The following LRSAM1 variants were observed in gnomAD, a reference collection of about 807,000 sequenced individuals.
LRSAM1 encodes the protein E3 ubiquitin-protein ligase LRSAM1.
Under a neutral mutation model 118.1 loss-of-function variants are expected in LRSAM1, and 96 were observed. That is an observed-to-expected ratio of 0.81 (90% CI 0.69 to 0.96). The LOEUF is 0.96. Among genes scored for constraint, LRSAM1 ranks in the 40% least tolerant of loss-of-function variants. The pLI, the probability that LRSAM1 is intolerant of heterozygous loss-of-function variation, is 0.00. For synonymous variants in LRSAM1, 322 were observed against 364.2 expected (o/e 0.88, Z 1.32); for missense variants, 804 against 915.5 (o/e 0.88, Z 1.57).
intron 21 of LRSAM1, among the ~76,000 whole-genome samples, 199 bp downstream of exon 21, chr9:127,493,096 C>T (rs1188321131): frequency 6.6e-6 from 1 of 152,232 alleles, no homozygotes; most frequent in Non-Finnish European, 1.5e-5. Flanking sequence ...GGGTCTCACT[C>T]TGTCGCCCAG....
At chr9:127,492,943 T>C (rs777583116) in intron 21 of LRSAM1, 46 bp downstream of exon 21, 1 of 1,538,942 alleles carries the variant, frequency 6.5e-7, no homozygotes, top group East Asian at 2.2e-5. Flanking sequence ...GCATTTGCTT[T>C]TCTTTAACAG....
At chr9:127,485,596 T>A (rs182801398) in intron 16 of LRSAM1, 140 bp from the exon 17 acceptor site, 26 of 771,834 alleles carry the variant, frequency 3.4e-5, no homozygotes, top group Admixed American at 1.2e-4. Context: ...GGGTTTTTTT[T>A]AAGATAACTA....
At chr9:127,466,467 G>A (rs1429249983) in intron 9 of LRSAM1, among the ~76,000 whole-genome samples, 3 of 97,710 alleles carry the variant, frequency 3.1e-5, no homozygotes, top group Non-Finnish European at 5.8e-5. Flanking sequence ...ATCTAACAAA[G>A]GAAGAATCAT....
intron 17 of LRSAM1, chr9:127,486,294 C>T (rs1421532173): frequency 4.9e-6 from 1 of 205,568 alleles, no homozygotes; most frequent in Non-Finnish European, 1.0e-5. Flanking sequence ...AGGACCCCCA[C>T]GGTTGGGGGT....
At chr9:127,467,664 A>G (rs372433819) in intron 9 of LRSAM1, 76 bp from the exon 10 acceptor site, 1 of 1,385,176 alleles carries the variant, frequency 7.2e-7, no homozygotes, top group African/African-American at 1.4e-5. Context: ...GAGAACACAC[A>G]AATTGATAAG....
At chr9:127,489,798 T>A (rs1433671941) in intron 19 of LRSAM1, among the ~76,000 whole-genome samples, 1 of 152,200 alleles carries the variant, frequency 6.6e-6, no homozygotes. Context: ...CTGGTGCTGA[T>A]GTGTGGCTTT....
In LRSAM1 at chr9:127,457,266, T is replaced by G. The variant is rs772059949; in HGVS notation, c.175-50T>G. 1.4e-5 allele frequency: 22 copies of G among 1,608,544 alleles called. No homozygotes were observed. The East Asian group carries it at 4.5e-4, about 33-fold the overall frequency. ...TGGCTCCCACGCCCTTAGCCTGCCC[T>G]GCCTGCTGCTCTTCCTCAGCCCAGC... On this transcript the variant is annotated intron_variant, in intron 5 of 25. Transcript: ENST00000300417.
chr9:127,479,071 C>A lies in LRSAM1; in HGVS notation c.780+108C>A. 3 of 1,220,572 alleles carry A rather than the reference C, an allele frequency of 2.5e-6. No individual in the cohort carries two copies. In the South Asian group the frequency reaches 3.7e-5, roughly 15 times the overall value. The allele number at this position is 1,220,572 out of a possible 1,614,324, so 75.6% of individuals were successfully genotyped here. A position where few individuals can be genotyped will look rare whatever the true frequency, so the allele number is the denominator to read the frequency against. On this transcript the variant is annotated intron_variant, in intron 12 of 25. Transcript: ENST00000300417. ...TTCTTCCCAGCTCAGAATTAGAGGT[C>A]ACAGTAATGCCTTCCTCTTACACGC... is the stretch of plus-strand genomic sequence containing the variant.
rs751872462 is a variant in LRSAM1 at position 127,457,401 on chromosome 9, G to A, written c.252+8G>A. ...AGTCTGGCAACCATCAAGGTACTGG[G>A]CCCTCCTCCCAGGCAGCTGGGGCTC... is the stretch of plus-strand genomic sequence containing the variant. On this transcript the variant is annotated splice_region_variant and intron_variant, in intron 6 of 25. Transcript: ENST00000300417. 23 of 1,613,790 alleles carry A rather than the reference G, an allele frequency of 1.4e-5. No homozygotes were observed. In the African/African-American group the frequency reaches 2.4e-4, roughly 17 times the overall value.
At chr9:127,480,783 G>C (rs985192095) in intron 14 of LRSAM1, among the ~76,000 whole-genome samples, 5 of 152,128 alleles carry the variant, frequency 3.3e-5, no homozygotes, top group African/African-American at 1.2e-4. Context: ...CTTCTCCCAG[G>C]TTCAAGCAAT....
intron 11 of LRSAM1, among the ~76,000 whole-genome samples, chr9:127,475,850 C>T (rs1835332115): frequency 6.6e-6 from 1 of 152,064 alleles, no homozygotes; most frequent in Admixed American, 6.5e-5. Flanking sequence ...AAGTGATTCT[C>T]CTGCCTCAGC....
At chr9:127,497,374 GC>G in intron 24 of LRSAM1, 40 bp downstream of exon 24, 1 of 1,590,552 alleles carries the variant, frequency 6.3e-7, no homozygotes, top group Non-Finnish European at 8.6e-7. Flanking sequence ...CAGGGCTCCA[GC>G]CGTATGTGTG....
chr9:127,500,736 C>A (rs1328355490), intron 24 of LRSAM1, among the ~76,000 whole-genome samples: 1 of 152,210 alleles, frequency 6.6e-6, no homozygotes, highest in Non-Finnish European at 1.5e-5. Flanking sequence ...TGAAGCGTCC[C>A]GGGGACATTA....
intron 24 of LRSAM1, 31 bp from the exon 25 acceptor site, chr9:127,500,979 C>T: frequency 6.2e-7 from 1 of 1,613,730 alleles, no homozygotes; most frequent in Non-Finnish European, 8.5e-7. Context: ...GGAGATGACC[C>T]TGGCTCAGTC....
Position 127,503,139 on chromosome 9 carries a change from T to G in LRSAM1, c.*240T>G, listed in dbSNP as rs1588145113. The stretch of plus-strand genomic sequence containing the variant: ...TGGGGGCTGGGGCTGGAGAGGCCGC[T>G]GCACCACCACCCGAGCCTGGGAGCC... On this transcript the variant is annotated 3_prime_UTR_variant, in exon 26 of 26. Transcript: ENST00000300417. 2 of 567,266 alleles carry G rather than the reference T, an allele frequency of 3.5e-6. No individual in the cohort carries two copies. Among genetic ancestry groups the G allele is most frequent in the Admixed American group, 6.2e-5 (2 of 32,474 alleles). 35.1% of individuals were successfully genotyped at this position (567,266 alleles called of 1,614,324 possible). A position where few individuals can be genotyped will look rare whatever the true frequency, so the allele number is the denominator to read the frequency against.
chr9:127,488,007 A>T (rs911584022), intron 18 of LRSAM1, among the ~76,000 whole-genome samples: 4 of 151,976 alleles, frequency 2.6e-5, no homozygotes, highest in Non-Finnish European at 5.9e-5. Context: ...GCAGGCTCCT[A>T]CCCCCATCCT....
At chr9:127,463,303 G>A (rs926716242) in intron 9 of LRSAM1, among the ~76,000 whole-genome samples, 20 of 151,972 alleles carry the variant, frequency 1.3e-4, no homozygotes, top group African/African-American at 4.4e-4. Context: ...AGGGAGGGTC[G>A]AGGAAGTGAT....
intron 17 of LRSAM1, among the ~76,000 whole-genome samples, chr9:127,487,289 G>A (rs1274052471): frequency 6.6e-6 from 1 of 152,158 alleles, no homozygotes; most frequent in African/African-American, 2.4e-5. Context: ...CCTGCCCAGG[G>A]TGAGAGTGCC....
At chr9:127,489,640 A>G in intron 19 of LRSAM1, 122 bp downstream of exon 19, 1 of 1,113,064 alleles carries the variant, frequency 9.0e-7, no homozygotes, top group Non-Finnish European at 1.3e-6. Context: ...CTAGCCCAAC[A>G]AGAGGTCGAG....
Sources: gnomAD v4.1 joint callset for allele counts (sites outside exome capture counted in the v4.1 genomes callset) on GRCh38, gnomAD v4.1.1 for gene constraint, MANE v1.5 for transcripts, NCBI Gene and HGNC (gene_info 2026-07-23, HGNC 2026-07-21) for gene names.